TRA2B: variants seen among roughly 807,000 people sequenced by gnomAD.
TRA2B encodes transformer-2 protein homolog beta.
TRA2B carries 14 observed loss-of-function variants against 41.7 expected under a neutral mutation model. That is an observed-to-expected ratio of 0.34 (90% CI 0.22 to 0.53). The LOEUF is 0.53. Ranked by LOEUF, TRA2B falls within the 20% of genes least tolerant of loss-of-function variation. The pLI, the probability that TRA2B is intolerant of heterozygous loss-of-function variation, is 0.95. For missense variants in TRA2B, 167 were observed against 396.8 expected (o/e 0.42, Z 4.92); for synonymous variants, 130 against 128.8 (o/e 1.01, Z -0.06).
At chr3:185,923,050 G>A (rs1228181584) in intron 4 of TRA2B, 1 of 152,280 alleles carries the variant, frequency 6.6e-6, no homozygotes, top group Non-Finnish European at 1.5e-5. Flanking sequence ...GGGAGGCCGA[G>A]GGGGGCAGAT....
chr3:185,925,726 GA>G, intron 2 of TRA2B, 100 bp from the exon 3 acceptor site: 2 of 1,231,250 alleles, frequency 1.6e-6, no homozygotes. Context: ...AACAATCCAG[GA>G]ATATGCTAAC....
At position 185,925,504 on chromosome 3, in the gene TRA2B, T is replaced by C. The variant is rs772894949; in HGVS notation, c.293A>G (p.His98Arg). 9.3e-6 allele frequency: 15 copies of C among 1,614,174 alleles called. No individual in the cohort carries two copies. Among genetic ancestry groups the C allele is most frequent in the East Asian group, 2.2e-5 (1 of 44,892 alleles). The change falls in exon 3 of 9, where the codon CAT becomes CGT. Residue 98 changes from histidine to arginine, a missense_variant. Transcript: ENST00000453386. ...ACGCCTGCGAGTAGACATGGGAGAA[T>C]GGCTGTGGCTGTGCCGTCTACGATA... Reference protein sequence around the residue: ...RDYRRRHSHSHSPMSTRRRHV... With the variant: ...RDYRRRHSHSRSPMSTRRRHV...
chr3:185,932,696 G>A (rs965654484), intron 1 of TRA2B, among the ~76,000 whole-genome samples: 6 of 152,124 alleles, frequency 3.9e-5, no homozygotes, highest in Admixed American at 2.0e-4. Context: ...TAAAAAGATT[G>A]AATTTAGTTG....
At chr3:185,933,438 G>C (rs904426945) in intron 1 of TRA2B, among the ~76,000 whole-genome samples, 2 of 152,120 alleles carry the variant, frequency 1.3e-5, no homozygotes, top group Admixed American at 1.3e-4. Context: ...AGAGACCCTA[G>C]TTAGAAATAA....
At position 185,930,158 on chromosome 3, in the gene TRA2B, T is replaced by C. The variant is rs557840452; in HGVS notation, c.37-3424A>G. 1.2e-4 allele frequency among the ~76,000 whole-genome samples: 18 copies of C among 152,332 alleles called. 1 individual carries two copies. In the South Asian group the frequency reaches 3.7e-3, roughly 32 times the overall value. ...GTCATAACCAGATTCCAAATTGCTT[T>C]CTTTCCTTTAGTGGGCTGGGGGTTA... On this transcript the variant is annotated intron_variant, in intron 1 of 8. Transcript: ENST00000453386.
At chr3:185,926,876 C>T in intron 1 of TRA2B, 142 bp from the exon 2 acceptor site, 12 of 942,672 alleles carry the variant, frequency 1.3e-5, no homozygotes, top group Non-Finnish European at 1.8e-5. Flanking sequence ...ACTGAATATA[C>T]CTGGTGTTAA....
At position 185,916,092 on chromosome 3, in the gene TRA2B, T is replaced by TAG. The variant is rs957535228; in HGVS notation, c.*1621_*1622dup. The TAG allele has an allele frequency of 8.5e-5, 13 of 152,306 alleles. No individual in the cohort carries two copies. Among genetic ancestry groups the TAG allele is most frequent in the African/African-American group, 2.6e-4 (11 of 41,572 alleles). The allele number at this position is 152,306 out of a possible 1,614,324, so 9.4% of individuals were successfully genotyped here. On this transcript the variant is annotated 3_prime_UTR_variant, in exon 9 of 9. Transcript: ENST00000453386. ...TGCTTATCAGAAACAAACCTAAGGG[T>TAG]AGTTCTCTAAGCATATTAATTTACC...
intron 1 of TRA2B, chr3:185,936,188 CAAT>C (rs2150120366): frequency 1.0e-6 from 1 of 985,302 alleles, no homozygotes; most frequent in Non-Finnish European, 1.2e-6. Context: ...GAAAGGTACC[CAAT>C]AATTGAATTT....
rs1431935099 is a variant in TRA2B at position 185,921,114 on chromosome 3, T to G, written c.712A>C (p.Arg238=). The G allele has an allele frequency of 6.2e-7, 1 of 1,613,826 alleles. No individual in the cohort carries two copies. Among genetic ancestry groups the G allele is most frequent in the African/African-American group, 1.3e-5 (1 of 74,926 alleles). Residue 238 remains arginine, a synonymous_variant, in exon 6 of 9, where the codon AGA becomes CGA. Coordinates refer to ENST00000453386, the MANE Select transcript of TRA2B (RefSeq NM_004593.3). The part of the protein sequence containing the change: ...RGYDDRDYYS[R]SYRGGGGGGG... ...TACCTCATAACTTACCTGTATGATC[T>G]GCTATAGTAGTCCCGATCATCATAG...
intron 1 of TRA2B, chr3:185,935,313 C>A (rs1379216568): frequency 4.1e-6 from 4 of 985,094 alleles, no homozygotes; most frequent in Non-Finnish European, 4.8e-6. Context: ...CCCCTATAGA[C>A]AGATTTTAGT....
chr3:185,926,077 G>A (rs1333689264), intron 2 of TRA2B, among the ~76,000 whole-genome samples: 1 of 151,724 alleles, frequency 6.6e-6, no homozygotes, highest in Admixed American at 6.6e-5. Context: ...AATTGTCATC[G>A]AAACGAGGAC....
chr3:185,922,199 TC>T, intron 4 of TRA2B, 73 bp from the exon 5 acceptor site: 2 of 1,082,114 alleles, frequency 1.8e-6, no homozygotes, highest in Non-Finnish European at 2.8e-6. Flanking sequence ...ATGAGTAAGA[TC>T]CCACTGGACA....
chr3:185,915,155 C>T lies in TRA2B; in HGVS notation c.*2560G>A, dbSNP rs1300626391. ...CTCAGGCAATCCATGGCCAGGAGAT[C>T]GGAAACCCCTGCTCCCAGGTCTACA... On this transcript the variant is annotated 3_prime_UTR_variant, in exon 9 of 9. Coordinates refer to ENST00000453386, the MANE Select transcript of TRA2B (RefSeq NM_004593.3). Among the ~76,000 whole-genome samples the T allele has an allele frequency of 2.0e-5, 3 of 152,172 alleles. No homozygotes were observed. The highest frequency in any genetic ancestry group is 6.5e-5 in the Admixed American group (1 of 15,282).
Position 185,937,899 on chromosome 3 carries a change from G to A in TRA2B, c.-39C>T, listed in dbSNP as rs766072451. On this transcript the variant is annotated 5_prime_UTR_variant, in exon 1 of 9. Coordinates refer to ENST00000453386, the MANE Select transcript of TRA2B (RefSeq NM_004593.3). ...TGTCGCCGGTCGATGTGCTTCAATC[G>A]AAGCTGCCAACCTCTTGCACCTTCC... 2 of 1,612,862 alleles carry A rather than the reference G, an allele frequency of 1.2e-6. No individual in the cohort carries two copies. Among genetic ancestry groups the A allele is most frequent in the Non-Finnish European group, 1.7e-6 (2 of 1,179,830 alleles).
intron 1 of TRA2B, chr3:185,927,113 C>T (rs2150115812): frequency 6.5e-6 from 1 of 153,774 alleles, no homozygotes; most frequent in Non-Finnish European, 1.4e-5. Context: ...CTATTTCAAT[C>T]AAGTTGCAAT....
chr3:185,919,574 A>G, intron 6 of TRA2B, 78 bp from the exon 7 acceptor site: 1 of 1,255,312 alleles, frequency 8.0e-7, no homozygotes, highest in Non-Finnish European at 1.1e-6. Context: ...TTAGTAAAAT[A>G]AAAACTTTCA....
intron 1 of TRA2B, chr3:185,927,288 C>G (rs905505268): frequency 1.3e-5 from 2 of 152,212 alleles, no homozygotes; most frequent in Non-Finnish European, 2.9e-5. Flanking sequence ...TAGTGGAAAG[C>G]AAAGGCTAGC....
At chr3:185,918,681 A>G (rs1398363951) in intron 7 of TRA2B, among the ~76,000 whole-genome samples, 4 of 152,108 alleles carry the variant, frequency 2.6e-5, no homozygotes, top group Non-Finnish European at 4.4e-5. Context: ...TTACTTTTTA[A>G]ATTTTGTGAA....
chr3:185,922,792 A>T (rs1743791598), intron 4 of TRA2B: 1 of 152,256 alleles, frequency 6.6e-6, no homozygotes, highest in Admixed American at 6.5e-5. Context: ...TTTCAAACAC[A>T]TTAAAGTTTG....
Sources: gnomAD v4.1 joint callset for allele counts (sites outside exome capture counted in the v4.1 genomes callset) on GRCh38, gnomAD v4.1.1 for gene constraint, MANE v1.5 for transcripts, NCBI Gene and HGNC (gene_info 2026-07-23, HGNC 2026-07-21) for gene names.